The following KIFC2 variants were observed in gnomAD, a reference collection of about 807,000 sequenced individuals.
KIFC2 encodes the protein kinesin family member C2.
Under a neutral mutation model 91.5 loss-of-function variants are expected in KIFC2, and 94 were observed. The observed-to-expected ratio is 1.03, with a 90% CI of 0.87 to 1.22. The LOEUF is 1.22. Among genes scored for constraint, KIFC2 ranks in the 50% most tolerant of loss-of-function variants. KIFC2 has a pLI of 0.00. For missense variants in KIFC2, 1,357 were observed against 1,103.3 expected, an observed-to-expected ratio of 1.23 and a Z score of -3.26; for synonymous variants, 729 against 503.9, an observed-to-expected ratio of 1.45 and a Z score of -5.98.
chr8:144,468,016 C>G (rs771975490), intron 7 of KIFC2, 29 bp downstream of exon 7: 5 of 1,511,428 alleles, frequency 3.3e-6, no homozygotes, highest in Non-Finnish European at 1.8e-6. Flanking sequence ...GCAGCCGTTC[C>G]TGCAGCCTGG....
chr8:144,468,481 A>G, intron 8 of KIFC2, 55 bp from the exon 9 acceptor site: 1 of 1,168,656 alleles, frequency 8.6e-7, no homozygotes. Context: ...TATCTGAGGC[A>G]GGGCCTGGTA....
Position 144,473,773 on chromosome 8 carries a change from C to A in KIFC2, c.*384C>A, listed in dbSNP as rs1381661053. On this transcript the variant is annotated 3_prime_UTR_variant, in exon 18 of 18. Coordinates refer to ENST00000645548, the MANE Select transcript of KIFC2 (RefSeq NM_001369769.2). ...TCCTTTACTGTTATCCCCCCCACCA[C>A]CAGGACCATGTAGGGTGCAGTCTTT... 2.5e-6 allele frequency: 1 copy of A among 392,780 alleles called. No individual in the cohort carries two copies. Among genetic ancestry groups the A allele is most frequent in the African/African-American group, 2.1e-5 (1 of 48,074 alleles). 24.3% of individuals were successfully genotyped at this position (392,780 alleles called of 1,614,324 possible). A position where few individuals can be genotyped will look rare whatever the true frequency, so the allele number is the denominator to read the frequency against.
At position 144,467,516 on chromosome 8, in the gene KIFC2, C is replaced by T. The variant is rs141472376; in HGVS notation, c.501C>T (p.His167=). 1.0e-4 allele frequency: 165 copies of T among 1,591,986 alleles called. No homozygotes were observed. In the East Asian group the frequency reaches 3.6e-3, roughly 35 times the overall value. The change falls in exon 5 of 18, where the codon CAC becomes CAT. Residue 167 remains histidine, a synonymous_variant. Coordinates refer to ENST00000645548, the MANE Select transcript of KIFC2 (RefSeq NM_001369769.2). The part of the protein sequence containing the change: ...GSTSQEESPS[H]FTAVPGEPLG... ...CATCCCAAGAAGAAAGCCCTTCCCA[C>T]TTCACCGCAGTCCCAGGCGAGCCAC...
chr8:144,469,722 C>G lies in KIFC2; in HGVS notation c.1380+75C>G, dbSNP rs1824852283. ...AAGAGCAGGAGAGGCTCCAGTTTCC[C>G]CTTCCCAGTCTGGGTGTCCACCTGG... On this transcript the variant is annotated intron_variant, in intron 12 of 17. Transcript: ENST00000645548. 4.7e-6 allele frequency: 7 copies of G among 1,492,834 alleles called. No individual in the cohort carries two copies. In the Middle Eastern group the frequency reaches 5.4e-4, roughly 115 times the overall value. The allele number at this position is 1,492,834 out of a possible 1,614,324, so 92.5% of individuals were successfully genotyped here.
Position 144,467,494 on chromosome 8 carries a change from C to G in KIFC2, c.479C>G (p.Ser160Cys), listed in dbSNP as rs752766068. 46 of 1,571,022 alleles carry G rather than the reference C, an allele frequency of 2.9e-5. No homozygotes were observed. In the Middle Eastern group the frequency reaches 5.1e-4, roughly 17 times the overall value. The change falls in exon 5 of 18, where the codon TCC becomes TGC. Residue 160 changes from serine to cysteine, a missense_variant. By Grantham distance (112) the Ser-to-Cys change is moderately radical. Coordinates refer to ENST00000645548, the MANE Select transcript of KIFC2 (RefSeq NM_001369769.2). ...GCCCACCCTACTCCAGGATCCACAT[C>G]CCAAGAAGAAAGCCCTTCCCACTTC... is the stretch of plus-strand genomic sequence containing the variant. ...VRPPSPDGST[S>C]QEESPSHFTA... is the part of the protein sequence containing the mutation.
chr8:144,470,328 C>T (rs1487563152), intron 12 of KIFC2, among the ~76,000 whole-genome samples: 1 of 152,268 alleles, frequency 6.6e-6, no homozygotes, highest in Non-Finnish European at 1.5e-5. Context: ...AGCCCCACCC[C>T]ACACTGCAGC....
intron 10 of KIFC2, 56 bp from the exon 11 acceptor site, chr8:144,469,215 C>G (rs530519324): frequency 1.5e-4 from 206 of 1,416,682 alleles, no homozygotes; most frequent in Non-Finnish European, 4.4e-5. Context: ...TCCCACCCCC[C>G]ACCTCCGCAG....
intron 12 of KIFC2, among the ~76,000 whole-genome samples, chr8:144,470,184 G>A (rs568581816): frequency 6.6e-6 from 1 of 152,366 alleles, no homozygotes; most frequent in East Asian, 1.9e-4. Flanking sequence ...GGGCAGAATG[G>A]CAGCGACTCC....
Position 144,469,627 on chromosome 8 carries a change from C to T in KIFC2, c.1360C>T (p.Pro454Ser). ...ATTCCGCCTAGACTGGGTCTTCCCTCCAGACGCCAGCCAGGAGGAGGTGAC... is the reference window on the plus strand; with the variant it reads ...ATTCCGCCTAGACTGGGTCTTCCCTTCAGACGCCAGCCAGGAGGAGGTGAC... ...RRFRLDWVFPPDASQEEVFRE... is the reference protein window; with the variant it reads ...RRFRLDWVFPSDASQEEVFRE... Residue 454 changes from proline to serine, a missense_variant, in exon 12 of 18, where the codon CCA (proline) becomes TCA (serine). Physicochemically the swap from Pro to Ser is moderately conservative, Grantham distance 74. Coordinates refer to ENST00000645548, the MANE Select transcript of KIFC2 (RefSeq NM_001369769.2). 6.2e-7 allele frequency: 1 copy of T among 1,603,542 alleles called. No individual in the cohort carries two copies. Among genetic ancestry groups the T allele is most frequent in the African/African-American group, 1.3e-5 (1 of 74,904 alleles).
intron 12 of KIFC2, among the ~76,000 whole-genome samples, chr8:144,470,334 G>T (rs986911247): frequency 2.0e-5 from 3 of 152,218 alleles, no homozygotes; most frequent in African/African-American, 7.2e-5. Context: ...ACCCCACACT[G>T]CAGCACTGCG....
intron 7 of KIFC2, 147 bp downstream of exon 7, chr8:144,468,134 AC>A (rs1242984799): frequency 3.8e-5 from 44 of 1,153,580 alleles, no homozygotes; most frequent in Non-Finnish European, 4.3e-5. Context: ...CAATGGGAAG[AC>A]CCCCCTCTCC....
intron 12 of KIFC2, among the ~76,000 whole-genome samples, chr8:144,470,887 C>T (rs926439169): frequency 7.2e-5 from 11 of 152,210 alleles, no homozygotes; most frequent in African/African-American, 2.7e-4. Context: ...GAAAGTGAGG[C>T]ACAGGAAGGC....
chr8:144,473,319 G>A lies in KIFC2; in HGVS notation c.2306G>A (p.Ser769Asn). 1 of 1,601,804 alleles carries A rather than the reference G, an allele frequency of 6.2e-7. No individual in the cohort carries two copies. Among genetic ancestry groups the A allele is most frequent in the Non-Finnish European group, 8.5e-7 (1 of 1,175,642 alleles). The part of the protein sequence containing the change: ...TPCTPTPSPG[S>N]PPCPSPDNGS... Reference sequence around the variant, plus strand: ...TGCACCCCTACGCCGTCCCCTGGCAGTCCTCCATGCCCCAGTCCCGACAAC... The same window carrying A: ...TGCACCCCTACGCCGTCCCCTGGCAATCCTCCATGCCCCAGTCCCGACAAC... The change falls in exon 18 of 18, where the codon AGT becomes AAT. Residue 769 changes from serine (S) to asparagine (N), a missense_variant. By Grantham distance (46) the Ser-to-Asn change is conservative. Coordinates refer to ENST00000645548, the MANE Select transcript of KIFC2 (RefSeq NM_001369769.2).
rs1370188385 is a variant in KIFC2 at position 144,472,446 on chromosome 8, A to C, written c.1693A>C (p.Thr565Pro). 1.9e-6 allele frequency: 3 copies of C among 1,612,334 alleles called. No individual in the cohort carries two copies. Among genetic ancestry groups the C allele is most frequent in the Admixed American group, 3.3e-5 (2 of 59,950 alleles). ...GQGGIQVAGLTHWDVPNLETL... is the reference protein window; with the variant it reads ...GQGGIQVAGLPHWDVPNLETL... ...GGGCGGGATCCAGGTGGCTGGCCTC[A>C]CCCACTGGGACGTGCCCAACCTGGA... The change falls in exon 15 of 18, where the codon ACC becomes CCC. Residue 565 changes from threonine to proline, a missense_variant. Transcript: ENST00000645548.
chr8:144,471,936 C>A lies in KIFC2; in HGVS notation c.1381-6C>A. On this transcript the variant is annotated splice_polypyrimidine_tract_variant and splice_region_variant and intron_variant, in intron 12 of 17. Transcript: ENST00000645548. ...GACTCAAAACACATTCTCCCGCCTC[C>A]CGCAGGTCTTCAGAGAGCTGGAACC... The A allele has an allele frequency of 6.2e-7, 1 of 1,612,934 alleles. No individual in the cohort carries two copies. Among genetic ancestry groups the A allele is most frequent in the Non-Finnish European group, 8.5e-7 (1 of 1,179,754 alleles).
intron 11 of KIFC2, 25 bp downstream of exon 11, chr8:144,469,404 G>C (rs746906510): frequency 1.2e-6 from 2 of 1,611,590 alleles, no homozygotes; most frequent in Admixed American, 3.3e-5. Flanking sequence ...GGAGCCTAGC[G>C]GGGCAGGGAG....
intron 10 of KIFC2, 124 bp downstream of exon 10, chr8:144,468,958 G>A (rs1824811216): frequency 1.3e-6 from 1 of 744,496 alleles, no homozygotes; most frequent in Non-Finnish European, 2.2e-6. Flanking sequence ...AACAGCTTCT[G>A]TGTGACCCAG....
intron 1 of KIFC2, 41 bp downstream of exon 1, chr8:144,466,559 C>T (rs1824646276): frequency 3.8e-6 from 4 of 1,062,784 alleles, no homozygotes; most frequent in Admixed American, 8.8e-5. Flanking sequence ...CTCCCGCCGC[C>T]TGCCCCACCC....
chr8:144,472,850 GGCCGGCCCGCC>G lies in KIFC2; in HGVS notation c.1920_1930del (p.Pro642ArgfsTer202). The G allele has an allele frequency of 6.4e-7, 1 of 1,552,772 alleles. No individual in the cohort carries two copies. Among genetic ancestry groups the G allele is most frequent in the Non-Finnish European group, 8.6e-7 (1 of 1,161,882 alleles). On this transcript the variant is annotated frameshift_variant, in exon 17 of 18. Coordinates refer to ENST00000645548, the MANE Select transcript of KIFC2 (RefSeq NM_001369769.2). LOFTEE classifies it high-confidence loss of function. ...CCGAACGCGCACGGAAGGCAGGGGCGGCCGGCCCGCCGCGGGGAGACCCAGACGGCGCCCGG... is the reference window on the plus strand; with the variant it reads ...CCGAACGCGCACGGAAGGCAGGGGCGGCGGGGAGACCCAGACGGCGCCCGG...
Sources: gnomAD v4.1 joint callset for allele counts (sites outside exome capture counted in the v4.1 genomes callset) on GRCh38, gnomAD v4.1.1 for gene constraint, MANE v1.5 for transcripts, NCBI Gene and HGNC (gene_info 2026-07-23, HGNC 2026-07-21) for gene names.